The following CNTN4 variants were observed in gnomAD, a reference collection of about 807,000 sequenced individuals.
CNTN4 encodes contactin-4.
In CNTN4, 77 loss-of-function variants were observed where a neutral mutation model predicts 122.5. That is an observed-to-expected ratio of 0.63 (90% CI 0.52 to 0.76). CNTN4 has a LOEUF of 0.76. Ranked by LOEUF, CNTN4 falls within the 30% of genes least tolerant of loss-of-function variation. The pLI is 0.00. For synonymous variants in CNTN4, 512 were observed against 447.0 expected, an observed-to-expected ratio of 1.15 and a Z score of -1.83; for missense variants, 1,256 against 1,259.1, an observed-to-expected ratio of 1.00 and a Z score of 0.04.
Position 2,822,378 on chromosome 3 carries a change from A to G in CNTN4, c.454+2797A>G, listed in dbSNP as rs181384717. On this transcript the variant is annotated intron_variant, in intron 7 of 24. Coordinates refer to ENST00000418658, the MANE Select transcript of CNTN4 (RefSeq NM_175607.3). ...AAATCCCTATTGATTCTATCAACAC[A>G]TAATTATAACTCGATAAGGGCTAAA... 5.3e-3 allele frequency among the ~76,000 whole-genome samples: 814 copies of G among 152,340 alleles called. 18 individuals are homozygous for G. Among genetic ancestry groups the G allele is most frequent in the Non-Finnish European group, 3.7e-3 (251 of 68,040 alleles).
rs182729422 is a variant in CNTN4 at position 2,824,812 on chromosome 3, A to C, written c.454+5231A>C. 8.9e-3 allele frequency among the ~76,000 whole-genome samples: 1,347 copies of C among 151,840 alleles called. 18 individuals carry two copies. Among genetic ancestry groups the C allele is most frequent in the African/African-American group, 0.031 (1,279 of 41,420 alleles). Reference sequence around the variant, plus strand: ...CAAGTAGCTGGGATTACAGGAGTGCACCACCACACCTGGCTAATTTTTGTA... The same window carrying C: ...CAAGTAGCTGGGATTACAGGAGTGCCCCACCACACCTGGCTAATTTTTGTA... On this transcript the variant is annotated intron_variant, in intron 7 of 24. Transcript: ENST00000418658.
intron 3 of CNTN4, among the ~76,000 whole-genome samples, chr3:2,547,213 G>T (rs1171289271): frequency 1.3e-5 from 2 of 151,594 alleles, no homozygotes; most frequent in Non-Finnish European, 2.9e-5. Context: ...ACAGAGAAGA[G>T]ATCAGGGTTT....
intron 4 of CNTN4, among the ~76,000 whole-genome samples, chr3:2,686,357 G>C (rs1323343582): frequency 6.6e-6 from 1 of 152,012 alleles, no homozygotes; most frequent in Non-Finnish European, 1.5e-5. Flanking sequence ...AGAGATCACA[G>C]CAAATGTTTA....
At chr3:2,334,840 C>T (rs1199832977) in intron 2 of CNTN4, among the ~76,000 whole-genome samples, 1 of 152,042 alleles carries the variant, frequency 6.6e-6, no homozygotes, top group East Asian at 1.9e-4. Context: ...TGAACATGTT[C>T]GTTAGAATTA....
chr3:2,289,759 A>G (rs985588701), intron 2 of CNTN4, among the ~76,000 whole-genome samples: 4 of 152,186 alleles, frequency 2.6e-5, no homozygotes, highest in Admixed American at 2.0e-4. Context: ...TCTTGCAACT[A>G]TATCTGGTTT....
intron 2 of CNTN4, among the ~76,000 whole-genome samples, chr3:2,332,052 A>T (rs1185972206): frequency 6.6e-6 from 1 of 151,850 alleles, no homozygotes; most frequent in Non-Finnish European, 1.5e-5. Context: ...AGTCTCTTGA[A>T]CCTGGTGCCA....
At chr3:2,731,895 A>AT (rs2088713102) in intron 4 of CNTN4, among the ~76,000 whole-genome samples, 1 of 152,226 alleles carries the variant, frequency 6.6e-6, no homozygotes, top group Non-Finnish European at 1.5e-5. Flanking sequence ...CTCTTTGTCA[A>AT]TTCAGTGCAG....
intron 8 of CNTN4, among the ~76,000 whole-genome samples, chr3:2,881,963 C>A (rs1274071074): frequency 6.6e-6 from 1 of 152,164 alleles, no homozygotes; most frequent in Non-Finnish European, 1.5e-5. Context: ...TCTTTATGGG[C>A]ACAGTTGAAT....
intron 13 of CNTN4, among the ~76,000 whole-genome samples, chr3:2,943,695 C>T (rs1244366668): frequency 6.7e-6 from 1 of 148,702 alleles, no homozygotes; most frequent in Non-Finnish European, 1.5e-5. Flanking sequence ...GCAATCTCGG[C>T]TCACTGCAAC....
chr3:2,378,819 G>C (rs1328537969), intron 3 of CNTN4, among the ~76,000 whole-genome samples: 1 of 152,002 alleles, frequency 6.6e-6, no homozygotes, highest in Non-Finnish European at 1.5e-5. Context: ...CATAGGAAGA[G>C]GAGAATTTGT....
chr3:2,377,305 A>G lies in CNTN4; in HGVS notation c.-89+38072A>G, dbSNP rs141873993. ...GAAGGAAGCAAATGGGTTGCATTGAACTCTCTTTAATATGAGTGCTATCTT... is the reference window on the plus strand; with the variant it reads ...GAAGGAAGCAAATGGGTTGCATTGAGCTCTCTTTAATATGAGTGCTATCTT... On this transcript the variant is annotated intron_variant, in intron 3 of 24. Coordinates refer to ENST00000418658, the MANE Select transcript of CNTN4 (RefSeq NM_175607.3). Among the ~76,000 whole-genome samples, 1,236 of 152,156 alleles carry G rather than the reference A, an allele frequency of 8.1e-3. 19 individuals are homozygous for G. Among genetic ancestry groups the G allele is most frequent in the African/African-American group, 0.028 (1,159 of 41,518 alleles).
At chr3:2,825,317 C>T (rs1477368340) in intron 7 of CNTN4, among the ~76,000 whole-genome samples, 2 of 152,006 alleles carry the variant, frequency 1.3e-5, no homozygotes, top group Middle Eastern at 3.2e-3. Flanking sequence ...CCTCCGCCTC[C>T]CAGTTCAAAC....
chr3:2,191,975 C>T (rs370828201), intron 2 of CNTN4, among the ~76,000 whole-genome samples: 5 of 151,486 alleles, frequency 3.3e-5, no homozygotes, highest in Admixed American at 6.6e-5. Flanking sequence ...TGAGAACATG[C>T]GGTGTTTGGT....
intron 3 of CNTN4, among the ~76,000 whole-genome samples, chr3:2,394,242 G>C (rs1411770741): frequency 1.3e-5 from 2 of 152,110 alleles, no homozygotes; most frequent in Non-Finnish European, 2.9e-5. Flanking sequence ...CCTAGAGGCT[G>C]AGTAGGCAGA....
chr3:2,370,235 C>A lies in CNTN4; in HGVS notation c.-89+31002C>A, dbSNP rs575939211. Among the ~76,000 whole-genome samples the A allele has an allele frequency of 2.0e-5, 3 of 152,250 alleles. No individual in the cohort carries two copies. The East Asian group carries it at 5.8e-4, about 29-fold the overall frequency. Reference sequence around the variant, plus strand: ...AAAATTTATCTCTGATATTTAATATCTTTGAAAGCACTTAATACAAGCCCA... The same window carrying A: ...AAAATTTATCTCTGATATTTAATATATTTGAAAGCACTTAATACAAGCCCA... On this transcript the variant is annotated intron_variant, in intron 3 of 24. Coordinates refer to ENST00000418658, the MANE Select transcript of CNTN4 (RefSeq NM_175607.3).
chr3:2,232,553 C>G (rs537808045), intron 2 of CNTN4, among the ~76,000 whole-genome samples: 1 of 152,196 alleles, frequency 6.6e-6, no homozygotes, highest in East Asian at 1.9e-4. Flanking sequence ...AACAGGCTGT[C>G]TAAAAACTAT....
At chr3:2,507,249 C>T (rs937507223) in intron 3 of CNTN4, among the ~76,000 whole-genome samples, 2 of 152,056 alleles carry the variant, frequency 1.3e-5, no homozygotes, top group Admixed American at 6.6e-5. Flanking sequence ...CCAGATAATT[C>T]GTTGCTGTGG....
chr3:2,483,172 G>A (rs1268898720), intron 3 of CNTN4, among the ~76,000 whole-genome samples: 3 of 152,208 alleles, frequency 2.0e-5, no homozygotes, highest in Non-Finnish European at 4.4e-5. Flanking sequence ...GTTTGACCTG[G>A]ATGTGAGACA....
intron 13 of CNTN4, among the ~76,000 whole-genome samples, chr3:2,935,255 GT>G (rs1165327515): frequency 6.6e-6 from 1 of 152,146 alleles, no homozygotes; most frequent in Admixed American, 6.5e-5. Context: ...CATACATGTG[GT>G]TATATAACTC....
Sources: gnomAD v4.1 joint callset for allele counts (sites outside exome capture counted in the v4.1 genomes callset) on GRCh38, gnomAD v4.1.1 for gene constraint, MANE v1.5 for transcripts, NCBI Gene and HGNC (gene_info 2026-07-23, HGNC 2026-07-21) for gene names.